The following CFAP74 variants were observed in gnomAD, a reference collection of about 807,000 sequenced individuals.
CFAP74 encodes cilia and flagella associated protein 74, also known as cilia- and flagella-associated protein 74.
In CFAP74, 124 loss-of-function variants were observed where a neutral mutation model predicts 188.9. The observed-to-expected ratio is 0.66, with a 90% CI of 0.57 to 0.76. CFAP74 has a LOEUF of 0.76. Ranked by LOEUF, CFAP74 falls within the 30% of genes least tolerant of loss-of-function variation. The probability of loss-of-function intolerance (pLI) is 0.00; values close to 1 mark genes in which losing one functional copy is unlikely to be tolerated. For missense variants in CFAP74, 2,198 were observed against 2,165.2 expected (o/e 1.02, Z -0.30); for synonymous variants, 956 against 916.7 (o/e 1.04, Z -0.77).
rs377116551 is a variant in CFAP74 at position 1,922,593 on chromosome 1, A to G, written c.4814T>C (p.Phe1605Ser). The change falls in exon 38 of 39, where the codon TTT becomes TCT. Residue 1605 changes from phenylalanine to serine, a missense_variant. Physicochemically the swap from Phe to Ser is radical, Grantham distance 155. Coordinates refer to ENST00000682832, the MANE Select transcript of CFAP74 (RefSeq NM_001304360.2). ...ISISWVPPAD[F>S]DPDHPLMVSA... The stretch of plus-strand genomic sequence containing the variant: ...CTGGAGCCCAAAGGCACCTACATCA[A>G]AGTCCGCAGGTGGCACCCAGGAGAT... The G allele has an allele frequency of 1.2e-5, 20 of 1,605,494 alleles. No homozygotes were observed. In the African/African-American group the frequency reaches 2.4e-4, roughly 19 times the overall value.
chr1:1,996,920 CAA>C lies in CFAP74; in HGVS notation c.-19-5947_-19-5946del, dbSNP rs200261557. ...TGGGTGACAGAGCAAGACTCTGTCT[CAA>C]AAAAAAAAAAAAAGAAAAAAAAAAA... is the stretch of plus-strand genomic sequence containing the variant. On this transcript the variant is annotated intron_variant, in intron 1 of 38. Transcript: ENST00000682832. 5.4e-3 allele frequency among the ~76,000 whole-genome samples: 459 copies of C among 84,598 alleles called. 3 individuals are homozygous for C. The highest frequency in any genetic ancestry group is 0.011 in the South Asian group (29 of 2,610). 55.5% of individuals were successfully genotyped at this position (84,598 alleles called of 152,430 possible).
At chr1:1,934,301 TACAC>T (rs1557996082) in intron 25 of CFAP74, among the ~76,000 whole-genome samples, 5 of 141,278 alleles carry the variant, frequency 3.5e-5, no homozygotes, top group Admixed American at 1.4e-4. Context: ...AGGTTGTAGG[TACAC>T]AGGTGTACAC....
Position 1,928,810 on chromosome 1 carries a change from G to T in CFAP74, c.3361C>A (p.Leu1121Met), listed in dbSNP as rs1219697673. ...KLIRQEALPL[L>M]NKEMETKSFR... is the part of the protein sequence containing the mutation. ...GATTTGGTCTCCATTTCTTTGTTCA[G>T]GAGTGGGAGGGCTTCCTGGCGGATC... The change falls in exon 27 of 39, where the codon CTG becomes ATG. Residue 1121 changes from leucine to methionine, a missense_variant. Leu to Met is a conservative substitution (Grantham distance 15). Transcript: ENST00000682832. The T allele has an allele frequency of 6.5e-7, 1 of 1,535,682 alleles. No individual in the cohort carries two copies. Among genetic ancestry groups the T allele is most frequent in the South Asian group, 1.2e-5 (1 of 84,060 alleles).
chr1:1,993,838 C>G (rs922929513), intron 1 of CFAP74, among the ~76,000 whole-genome samples: 2 of 150,592 alleles, frequency 1.3e-5, no homozygotes, highest in Admixed American at 6.7e-5. Flanking sequence ...AAAAATTAGC[C>G]GGGCGTGGTG....
At chr1:1,966,247 G>T (rs1655458805) in intron 12 of CFAP74, 124 bp downstream of exon 12, 1 of 901,034 alleles carries the variant, frequency 1.1e-6, no homozygotes, top group Non-Finnish European at 1.6e-6. Context: ...GGCGGGAGAT[G>T]GCAGGCACAG....
chr1:1,927,941 C>G (rs1252734203), intron 27 of CFAP74, 195 bp from the exon 28 acceptor site: 1 of 602,100 alleles, frequency 1.7e-6, no homozygotes, highest in Non-Finnish European at 2.9e-6. Flanking sequence ...CACAGAGCTG[C>G]TCACAGACTG....
At chr1:1,967,873 C>T (rs1655578117) in intron 11 of CFAP74, among the ~76,000 whole-genome samples, 1 of 152,112 alleles carries the variant, frequency 6.6e-6, no homozygotes, top group South Asian at 2.1e-4. Flanking sequence ...ACCAAGCAGG[C>T]CCTGGATGTG....
At chr1:1,996,835 C>T (rs906549217) in intron 1 of CFAP74, among the ~76,000 whole-genome samples, 24 of 148,500 alleles carry the variant, frequency 1.6e-4, no homozygotes, top group East Asian at 8.0e-4. Flanking sequence ...GCAGGAGAAT[C>T]GCTTAAACTC....
At chr1:1,931,432 TAAAAA>T (rs34892654) in intron 25 of CFAP74, among the ~76,000 whole-genome samples, 4 of 75,380 alleles carry the variant, frequency 5.3e-5, no homozygotes, top group Admixed American at 2.0e-4. Context: ...CCCATCTCAA[TAAAAA>T]AAAAAAAAAA....
rs1656125603 is a variant in CFAP74, at chr1:1,972,088, G to A, written c.786-6C>T. On this transcript the variant is annotated splice_region_variant and splice_polypyrimidine_tract_variant and intron_variant, in intron 8 of 38. Transcript: ENST00000682832. ...TCTTCTCTTGCTCTCGGATTCTGAGGAAGGACATTTAAACATTTTTGAGGC... is the reference window on the plus strand; with the variant it reads ...TCTTCTCTTGCTCTCGGATTCTGAGAAAGGACATTTAAACATTTTTGAGGC... 2.5e-6 allele frequency: 4 copies of A among 1,607,928 alleles called. 1 individual carries two copies. The African/African-American group carries it at 5.3e-5, about 21-fold the overall frequency.
intron 17 of CFAP74, 144 bp from the exon 18 acceptor site, chr1:1,955,994 T>C: frequency 1.4e-5 from 19 of 1,386,326 alleles, no homozygotes; most frequent in Non-Finnish European, 1.8e-5. Flanking sequence ...CTCGGCTGCC[T>C]GCTCTCGTCT....
At chr1:1,970,891 G>A in intron 9 of CFAP74, 75 bp from the exon 10 acceptor site, 2 of 1,559,354 alleles carry the variant, frequency 1.3e-6, no homozygotes, top group Non-Finnish European at 8.8e-7. Context: ...CTGCACATGT[G>A]CACACACAGG....
chr1:1,928,665 A>G, intron 27 of CFAP74, 119 bp downstream of exon 27: 1 of 667,950 alleles, frequency 1.5e-6, no homozygotes, highest in Middle Eastern at 2.6e-4. Flanking sequence ...TGCTTGGGAA[A>G]GGTCTACCCT....
rs947899907 is a variant in CFAP74, at chr1:1,930,261, G to A, written c.3087C>T (p.Ala1029=). ...LELSHYQIKF[A]ATALYDTSVA... ...CGGAGGTGTCGTATAGGGCCGTGGC[G>A]GCAAACTTGATCTGGTAGTGGGACA... Residue 1029 remains alanine (A), a synonymous_variant, in exon 26 of 39, where the codon GCC becomes GCT. Coordinates refer to ENST00000682832, the MANE Select transcript of CFAP74 (RefSeq NM_001304360.2). The A allele has an allele frequency of 1.8e-5, 27 of 1,535,496 alleles. No individual in the cohort carries two copies. Among genetic ancestry groups the A allele is most frequent in the African/African-American group, 6.8e-5 (5 of 73,016 alleles).
intron 18 of CFAP74, chr1:1,954,295 AG>A (rs1235722845): frequency 6.6e-6 from 1 of 152,222 alleles, no homozygotes; most frequent in African/African-American, 2.4e-5. Context: ...GCTGTCCAGT[AG>A]GGCAGCCGTT....
intron 12 of CFAP74, 111 bp downstream of exon 12, chr1:1,966,260 A>T: frequency 9.5e-7 from 1 of 1,053,092 alleles, no homozygotes; most frequent in South Asian, 2.3e-5. Flanking sequence ...AGGCACAGCC[A>T]GGAGAAGCCT....
At position 1,970,955 on chromosome 1, in the gene CFAP74, GCACACAT is replaced by G. The variant is rs1655936831; in HGVS notation, c.889-146_889-140del. The G allele has an allele frequency of 1.3e-5, 13 of 1,005,022 alleles. No homozygotes were observed. The East Asian group carries it at 3.3e-4, about 25-fold the overall frequency. 62.3% of individuals were successfully genotyped at this position (1,005,022 alleles called of 1,614,324 possible). A position where few individuals can be genotyped will look rare whatever the true frequency, so the allele number is the denominator to read the frequency against. On this transcript the variant is annotated intron_variant, in intron 9 of 38. Transcript: ENST00000682832. ...CACACACACATGCACACCTGCACATGCACACATCACACATGCACACCTGCACACACGT... is the reference window on the plus strand; with the variant it reads ...CACACACACATGCACACCTGCACATGCACACATGCACACCTGCACACACGT...
At chr1:1,932,061 C>T (rs1277489355) in intron 25 of CFAP74, among the ~76,000 whole-genome samples, 11 of 79,582 alleles carry the variant, frequency 1.4e-4, no homozygotes, top group Admixed American at 6.3e-4. Flanking sequence ...GTGAGACTCT[C>T]GCCTCAAAAA....
chr1:1,946,945 G>A, intron 19 of CFAP74, 45 bp downstream of exon 19: 1 of 1,426,886 alleles, frequency 7.0e-7, no homozygotes, highest in Non-Finnish European at 9.5e-7. Flanking sequence ...AAGGTGGGCG[G>A]TGTCTTGGAT....
Sources: allele counts gnomAD v4.1 joint callset (sites outside exome capture counted in the v4.1 genomes callset), GRCh38; gene constraint gnomAD v4.1.1; transcripts MANE v1.5; gene names NCBI Gene and HGNC (gene_info 2026-07-23, HGNC 2026-07-21).